The following HDGFL2 variants were observed in gnomAD, a reference collection of about 807,000 sequenced individuals.
HDGFL2 encodes the protein HDGF like 2.
In HDGFL2, 36 loss-of-function variants were observed where a neutral mutation model predicts 77.1. The ratio of observed to expected loss-of-function variants is 0.47; its 90% confidence interval spans 0.36 to 0.62. The LOEUF (loss-of-function observed/expected upper bound fraction) is 0.62, where lower values mean the gene tolerates loss of function less well. Ranked by LOEUF, HDGFL2 falls within the 20% of genes least tolerant of loss-of-function variation. The pLI is 0.00. For missense variants in HDGFL2, 976 were observed against 973.4 expected, an observed-to-expected ratio of 1.00 and a Z score of -0.04; for synonymous variants, 463 against 413.1, an observed-to-expected ratio of 1.12 and a Z score of -1.46.
rs577711620 is a variant in HDGFL2, at chr19:4,477,760, A to G, written c.288+2177A>G. ...TGCTCTTAGCTTCTCTGGCCCATCTATGCTTCTAGATGGAACGTGTGTTTA... is the reference window on the plus strand; with the variant it reads ...TGCTCTTAGCTTCTCTGGCCCATCTGTGCTTCTAGATGGAACGTGTGTTTA... On this transcript the variant is annotated intron_variant, in intron 3 of 15. Transcript: ENST00000616600. Among the ~76,000 whole-genome samples the G allele has an allele frequency of 3.9e-5, 6 of 152,260 alleles. No homozygotes were observed. In the East Asian group the frequency reaches 7.7e-4, roughly 20 times the overall value.
At chr19:4,472,452 G>A in intron 1 of HDGFL2, 30 bp downstream of exon 1, 1 of 264,138 alleles carries the variant, frequency 3.8e-6, no homozygotes, top group African/African-American at 4.4e-5. Flanking sequence ...GGGGCCGGTG[G>A]GGGGGGGGGG....
intron 3 of HDGFL2, among the ~76,000 whole-genome samples, chr19:4,483,208 G>T (rs997588787): frequency 6.6e-6 from 1 of 152,232 alleles, no homozygotes; most frequent in Non-Finnish European, 1.5e-5. Flanking sequence ...AGACACAAGG[G>T]AGACAAAACG....
intron 13 of HDGFL2, among the ~76,000 whole-genome samples, chr19:4,499,123 G>A (rs559873724): frequency 2.0e-4 from 30 of 152,232 alleles, no homozygotes; most frequent in African/African-American, 6.0e-4. Flanking sequence ...TGAGGCAGGC[G>A]GATCACGAGG....
chr19:4,472,386 C>T lies in HDGFL2; in HGVS notation c.36C>T (p.Phe12=), dbSNP rs1016824813. 3.4e-6 allele frequency: 5 copies of T among 1,490,350 alleles called. No homozygotes were observed. Among genetic ancestry groups the T allele is most frequent in the African/African-American group, 1.5e-5 (1 of 67,610 alleles). The allele number at this position is 1,490,350 out of a possible 1,614,324, so 92.3% of individuals were successfully genotyped here. The change falls in exon 1 of 16, where the codon TTC becomes TTT. Residue 12 remains phenylalanine, a synonymous_variant. Coordinates refer to ENST00000616600, the MANE Select transcript of HDGFL2 (RefSeq NM_001001520.3). ...CCTTCAAGCCCGGGGACTTGGTGTTCGCTAAGATGAAGGGCTACCCTCACT... is the reference window on the plus strand; with the variant it reads ...CCTTCAAGCCCGGGGACTTGGTGTTTGCTAAGATGAAGGGCTACCCTCACT... ...PHAFKPGDLV[F]AKMKGYPHWP...
At chr19:4,486,018 A>G (rs1975352055) in intron 3 of HDGFL2, among the ~76,000 whole-genome samples, 1 of 139,382 alleles carries the variant, frequency 7.2e-6, no homozygotes, top group Non-Finnish European at 1.5e-5. Flanking sequence ...GCGCCACTGC[A>G]CTCCAGCCTG....
intron 15 of HDGFL2, chr19:4,501,671 T>C: frequency 2.0e-6 from 1 of 498,370 alleles, no homozygotes; most frequent in East Asian, 3.4e-5. Flanking sequence ...GGTACAAGGC[T>C]CAGTGGAGTC....
chr19:4,478,214 T>G (rs1975122082), intron 3 of HDGFL2, among the ~76,000 whole-genome samples: 1 of 151,718 alleles, frequency 6.6e-6, no homozygotes, highest in South Asian at 2.1e-4. Context: ...TTTTTTTGTT[T>G]TTTGTTTTGA....
intron 4 of HDGFL2, among the ~76,000 whole-genome samples, chr19:4,490,374 C>T (rs544246500): frequency 2.0e-5 from 3 of 152,332 alleles, no homozygotes; most frequent in Non-Finnish European, 4.4e-5. Flanking sequence ...CGTGAGCCAC[C>T]GCGCCTGGCT....
chr19:4,478,503 G>A (rs1451285643), intron 3 of HDGFL2, among the ~76,000 whole-genome samples: 1 of 151,900 alleles, frequency 6.6e-6, no homozygotes, highest in Non-Finnish European at 1.5e-5. Flanking sequence ...ACCCAGCCCA[G>A]GCTCATTCTT....
At position 4,472,308 on chromosome 19, in the gene HDGFL2, C is replaced by G; in HGVS notation, c.-43C>G. On this transcript the variant is annotated 5_prime_UTR_variant, in exon 1 of 16. Transcript: ENST00000616600. Reference sequence around the variant, plus strand: ...GCCGCCGCCGCCGCAGCCGCTACCGCCGCTGCAGCCGCTTTCCGCGGCCTG... The same window carrying G: ...GCCGCCGCCGCCGCAGCCGCTACCGGCGCTGCAGCCGCTTTCCGCGGCCTG... 1 of 1,425,618 alleles carries G rather than the reference C, an allele frequency of 7.0e-7. No homozygotes were observed. Among genetic ancestry groups the G allele is most frequent in the Non-Finnish European group, 9.2e-7 (1 of 1,082,230 alleles). 88.3% of individuals were successfully genotyped at this position (1,425,618 alleles called of 1,614,324 possible).
At position 4,485,568 on chromosome 19, in the gene HDGFL2, C is replaced by A. The variant is rs554710595; in HGVS notation, c.289-3108C>A. ...CCTGGCTAACACAGTGAAACCACGT[C>A]TCAACTAAAAAAATACAAAAAAAAT... On this transcript the variant is annotated intron_variant, in intron 3 of 15. Transcript: ENST00000616600. Among the ~76,000 whole-genome samples the A allele has an allele frequency of 1.1e-4, 16 of 151,090 alleles. No homozygotes were observed. The South Asian group carries it at 2.7e-3, about 26-fold the overall frequency.
At chr19:4,477,287 C>T (rs1599698898) in intron 3 of HDGFL2, among the ~76,000 whole-genome samples, 1 of 152,154 alleles carries the variant, frequency 6.6e-6, no homozygotes, top group Admixed American at 6.5e-5. Flanking sequence ...CTTCTGGGAG[C>T]TCATGGTCCA....
Position 4,494,184 on chromosome 19 carries a change from C to T in HDGFL2, c.933C>T (p.Asp311=), listed in dbSNP as rs374432686. 1.4e-4 allele frequency: 214 copies of T among 1,494,338 alleles called. No individual in the cohort carries two copies. The African/African-American group carries it at 2.6e-3, about 18-fold the overall frequency. The allele number at this position is 1,494,338 out of a possible 1,614,324, so 92.6% of individuals were successfully genotyped here. ...SSSDSDSDEV[D]RISEWKRRDE... is the part of the protein sequence containing the mutation. ...CCTCCAGTGACAGCGACGAGGTGGA[C>T]CGCATCAGTGAGTGGAAGCGGCGGG... Residue 311 remains aspartate, a synonymous_variant, in exon 9 of 16, where the codon GAC becomes GAT. Transcript: ENST00000616600.
At chr19:4,492,911 CTGTG>C (rs374872244) in intron 6 of HDGFL2, among the ~76,000 whole-genome samples, 6 of 85,418 alleles carry the variant, frequency 7.0e-5, no homozygotes, top group East Asian at 3.2e-4. Flanking sequence ...TGTGTGGTGT[CTGTG>C]TGGTGTGTAT....
Position 4,475,552 on chromosome 19 carries a change from A to G in HDGFL2, c.257A>G (p.Asn86Ser), listed in dbSNP as rs541672770. 4.4e-6 allele frequency: 7 copies of G among 1,588,588 alleles called. No homozygotes were observed. In the Admixed American group the frequency reaches 6.0e-5, roughly 14 times the overall value. The change falls in exon 3 of 16, where the codon AAC (asparagine) becomes AGC (serine). Residue 86 changes from asparagine to serine, a missense_variant. Around this residue, in one of 5 missense-constraint regions of HDGFL2, gnomAD observed 103 missense variants for 145.7 expected, o/e 0.71. Coordinates refer to ENST00000616600, the MANE Select transcript of HDGFL2 (RefSeq NM_001001520.3). ...AATGAAGGGCTGTGGGAGATCCAGA[A>G]CAACCCCCACGCCAGCTACAGCGCC... Reference protein sequence around the residue: ...GFNEGLWEIQNNPHASYSAPP... With the variant: ...GFNEGLWEIQSNPHASYSAPP...
chr19:4,493,293 G>C (rs1336001906), intron 6 of HDGFL2, among the ~76,000 whole-genome samples: 4 of 140,774 alleles, frequency 2.8e-5, no homozygotes, highest in Non-Finnish European at 4.8e-5. Flanking sequence ...TGTGTGTGGT[G>C]TGTGTGTGGT....
At chr19:4,496,512 G>A in intron 10 of HDGFL2, 107 bp downstream of exon 10, 3 of 835,044 alleles carry the variant, frequency 3.6e-6, no homozygotes, top group Middle Eastern at 6.9e-4. Context: ...CAGCCTTGGA[G>A]CCGGACCCGG....
chr19:4,482,350 C>G (rs1035296503), intron 3 of HDGFL2, among the ~76,000 whole-genome samples: 3 of 152,116 alleles, frequency 2.0e-5, no homozygotes, highest in African/African-American at 7.2e-5. Flanking sequence ...GCCGGGACTA[C>G]AGGCGCACAT....
chr19:4,499,495 G>A lies in HDGFL2; in HGVS notation c.1580G>A (p.Arg527His). The change falls in exon 14 of 16, where the codon CGC (arginine) becomes CAC (histidine). Residue 527 changes from arginine to histidine, a missense_variant. Transcript: ENST00000616600. ...TDVVATLKKIRRYKANKDVME... is the reference protein window; with the variant it reads ...TDVVATLKKIHRYKANKDVME... Reference sequence around the variant, plus strand: ...GCCTCTTCTCTTGGTGGCCAGATTCGCCGTTACAAAGCGAACAAGGACGTA... The same window carrying A: ...GCCTCTTCTCTTGGTGGCCAGATTCACCGTTACAAAGCGAACAAGGACGTA... The A allele has an allele frequency of 6.2e-7, 1 of 1,612,828 alleles. No individual in the cohort carries two copies. Among genetic ancestry groups the A allele is most frequent in the South Asian group, 1.1e-5 (1 of 90,942 alleles).
Sources: gnomAD v4.1 joint callset for allele counts (sites outside exome capture counted in the v4.1 genomes callset) on GRCh38, gnomAD v4.1.1 for gene constraint, gnomAD v4.1.1 regional missense constraint, MANE v1.5 for transcripts, NCBI Gene and HGNC (gene_info 2026-07-23, HGNC 2026-07-21) for gene names.